The following DNAJC15 variants were observed in gnomAD, a reference collection of about 807,000 sequenced individuals.
DNAJC15 encodes DnaJ heat shock protein family (Hsp40) member C15.
DNAJC15 carries 27 observed loss-of-function variants against 22.4 expected under a neutral mutation model. That is an observed-to-expected ratio of 1.20 (90% CI 0.89 to 1.66). DNAJC15 has a LOEUF of 1.66. Among genes scored for constraint, DNAJC15 ranks in the 40% most tolerant of loss-of-function variants. The pLI, the probability that DNAJC15 is intolerant of heterozygous loss-of-function variation, is 0.00. For synonymous variants in DNAJC15, 79 were observed against 63.2 expected (o/e 1.25, Z -1.19); for missense variants, 208 against 187.1 (o/e 1.11, Z -0.65).
intron 1 of DNAJC15, among the ~76,000 whole-genome samples, chr13:43,040,742 G>T (rs542579794): frequency 1.3e-5 from 2 of 152,142 alleles, no homozygotes; most frequent in African/African-American, 2.4e-5. Flanking sequence ...GTGTTTCTCG[G>T]AGAGGGGGAT....
At chr13:43,050,401 G>A (rs1355209384) in intron 1 of DNAJC15, among the ~76,000 whole-genome samples, 3 of 151,790 alleles carry the variant, frequency 2.0e-5, no homozygotes, top group Non-Finnish European at 4.4e-5. Flanking sequence ...AATCTCCTGG[G>A]CTCAAGCAAT....
At position 43,043,719 on chromosome 13, in the gene DNAJC15, G is replaced by A. The variant is rs531167549; in HGVS notation, c.108+19985G>A. On this transcript the variant is annotated intron_variant, in intron 1 of 5. Coordinates refer to ENST00000379221, the MANE Select transcript of DNAJC15 (RefSeq NM_013238.3). ...CTTTTATTTATTCACTAGTCTTGCT[G>A]TAGATACTAATGCTTGCCTGTGGTT... 7.9e-5 allele frequency among the ~76,000 whole-genome samples: 12 copies of A among 152,296 alleles called. No individual in the cohort carries two copies. In the South Asian group the frequency reaches 1.7e-3, roughly 21 times the overall value.
At chr13:43,050,681 CAAA>C (rs1039022836) in intron 1 of DNAJC15, among the ~76,000 whole-genome samples, 7 of 152,050 alleles carry the variant, frequency 4.6e-5, no homozygotes, top group African/African-American at 1.7e-4. Context: ...TGTTCATGCT[CAAA>C]AAGTTTTATT....
intron 1 of DNAJC15, among the ~76,000 whole-genome samples, chr13:43,064,091 A>T (rs1463928074): frequency 6.6e-6 from 1 of 152,128 alleles, no homozygotes; most frequent in African/African-American, 2.4e-5. Context: ...TCTGCCAGGG[A>T]ATGAATCTTC....
chr13:43,051,705 G>C (rs992180217), intron 1 of DNAJC15, among the ~76,000 whole-genome samples: 6 of 151,800 alleles, frequency 4.0e-5, no homozygotes, highest in African/African-American at 1.5e-4. Flanking sequence ...ATGAGCATTT[G>C]GGCTGGTTCC....
intron 1 of DNAJC15, among the ~76,000 whole-genome samples, chr13:43,040,546 A>G (rs2040448585): frequency 6.6e-6 from 1 of 152,164 alleles, no homozygotes. Context: ...ATTCTATATG[A>G]AGGGGTGGTT....
intron 1 of DNAJC15, among the ~76,000 whole-genome samples, chr13:43,040,620 CACAGAG>C (rs1477880329): frequency 6.6e-6 from 1 of 152,056 alleles, no homozygotes; most frequent in Non-Finnish European, 1.5e-5. Flanking sequence ...AAGAAAGAGA[CACAGAG>C]ACAAAGTATA....
intron 2 of DNAJC15, 45 bp from the exon 3 acceptor site, chr13:43,068,885 T>G: frequency 6.5e-7 from 1 of 1,546,726 alleles, no homozygotes; most frequent in Non-Finnish European, 8.9e-7. Flanking sequence ...TTGATTGATT[T>G]TGATTATAGA....
intron 5 of DNAJC15, among the ~76,000 whole-genome samples, chr13:43,101,350 C>T (rs750323427): frequency 9.2e-5 from 14 of 152,176 alleles, no homozygotes; most frequent in Middle Eastern, 3.2e-3. Flanking sequence ...TAATTTAATC[C>T]GGTGCGACAG....
rs1347252999 is a variant in DNAJC15 at position 43,112,268 on chromosome 13, C to T, written c.*5020C>T. 2 of 152,192 alleles carry T rather than the reference C, an allele frequency of 1.3e-5. No individual in the cohort carries two copies. The highest frequency in any genetic ancestry group is 2.9e-5 in the Non-Finnish European group (2 of 68,038). 9.4% of individuals were successfully genotyped at this position (152,192 alleles called of 1,614,324 possible). A position where few individuals can be genotyped will look rare whatever the true frequency, so the allele number is the denominator to read the frequency against. Reference sequence around the variant, plus strand: ...CTCTTCCTGCCATAATAACCCTTTCCCTCTCTGTTCGATTCAACAGTATCT... The same window carrying T: ...CTCTTCCTGCCATAATAACCCTTTCTCTCTCTGTTCGATTCAACAGTATCT... On this transcript the variant is annotated 3_prime_UTR_variant, in exon 6 of 6. Transcript: ENST00000379221.
chr13:43,029,726 T>C (rs2040396118), intron 1 of DNAJC15, among the ~76,000 whole-genome samples: 1 of 152,152 alleles, frequency 6.6e-6, no homozygotes, highest in African/African-American at 2.4e-5. Flanking sequence ...ACATGGCCCA[T>C]TTGTTGATCT....
intron 1 of DNAJC15, among the ~76,000 whole-genome samples, chr13:43,032,836 A>G (rs2040410052): frequency 6.6e-6 from 1 of 152,152 alleles, no homozygotes; most frequent in South Asian, 2.1e-4. Context: ...ACAACAACAA[A>G]AAGAAGTAAG....
At chr13:43,063,234 T>G (rs2040567726) in intron 1 of DNAJC15, among the ~76,000 whole-genome samples, 1 of 152,216 alleles carries the variant, frequency 6.6e-6, no homozygotes. Context: ...GGTCTTGAAA[T>G]TCTGACCTCA....
Position 43,059,259 on chromosome 13 carries a change from T to A in DNAJC15, c.109-6427T>A, listed in dbSNP as rs79283073. Among the ~76,000 whole-genome samples the A allele has an allele frequency of 6.8e-3, 1,036 of 152,320 alleles. 9 individuals are homozygous for A. Among genetic ancestry groups the A allele is most frequent in the African/African-American group, 0.024 (987 of 41,566 alleles). ...TTATTATTAAAAACTCAAGTTTTTA[T>A]TACATTATTATTGAATGAAAAAGTA... On this transcript the variant is annotated intron_variant, in intron 1 of 5. Transcript: ENST00000379221.
chr13:43,030,264 A>G (rs984284220), intron 1 of DNAJC15, among the ~76,000 whole-genome samples: 1 of 152,328 alleles, frequency 6.6e-6, no homozygotes. Flanking sequence ...TATGGAAGCT[A>G]TAAACTAAGT....
At chr13:43,034,303 TC>T (rs2040417532) in intron 1 of DNAJC15, among the ~76,000 whole-genome samples, 5 of 135,900 alleles carry the variant, frequency 3.7e-5, no homozygotes, top group African/African-American at 1.4e-4. Context: ...GGGAGATTTG[TC>T]CTTTTTTTTT....
chr13:43,093,586 T>C (rs559731963), intron 5 of DNAJC15, among the ~76,000 whole-genome samples: 2 of 152,204 alleles, frequency 1.3e-5, no homozygotes, highest in African/African-American at 4.8e-5. Flanking sequence ...AATTTTTTAT[T>C]TTTATCTTTG....
chr13:43,078,631 A>G lies in DNAJC15; in HGVS notation c.254A>G (p.Lys85Arg), dbSNP rs115128267. 4.2e-5 allele frequency: 67 copies of G among 1,613,296 alleles called. 1 individual carries two copies. The East Asian group carries it at 1.5e-3, about 35-fold the overall frequency. Residue 85 changes from lysine to arginine, a missense_variant, in exon 4 of 6, where the codon AAA (lysine) becomes AGA (arginine). By Grantham distance (26) the Lys-to-Arg change is conservative. Transcript: ENST00000379221. ...ISTPSFSSYY[K>R]GGFEQKMSRR... ...ATACAGAGCTTTTCATCCTACTATA[A>G]AGGAGGATTTGAACAGAAAATGAGT... is the stretch of plus-strand genomic sequence containing the variant.
In DNAJC15 at chr13:43,108,144, AAAG is replaced by A. The variant is rs1189891749; in HGVS notation, c.*899_*901del. 6.6e-6 allele frequency: 1 copy of A among 152,566 alleles called. No individual in the cohort carries two copies. Among genetic ancestry groups the A allele is most frequent in the African/African-American group, 2.4e-5 (1 of 41,476 alleles). 9.5% of individuals were successfully genotyped at this position (152,566 alleles called of 1,614,324 possible). A position where few individuals can be genotyped will look rare whatever the true frequency, so the allele number is the denominator to read the frequency against. ...TATATTTTAAAAGTTCAAAGGAAGA[AAAG>A]AATGTGTTAAACACTGCATGAGAGG... On this transcript the variant is annotated 3_prime_UTR_variant, in exon 6 of 6. Coordinates refer to ENST00000379221, the MANE Select transcript of DNAJC15 (RefSeq NM_013238.3).
Sources: gnomAD v4.1 joint callset for allele counts (sites outside exome capture counted in the v4.1 genomes callset) on GRCh38, gnomAD v4.1.1 for gene constraint, MANE v1.5 for transcripts, NCBI Gene and HGNC (gene_info 2026-07-23, HGNC 2026-07-21) for gene names.